Variants in ST3GAL3 observed in about 807,000 individuals in gnomAD.
ST3GAL3 encodes CMP-N-acetylneuraminate-beta-1,4-galactoside alpha-2,3-sialyltransferase.
In ST3GAL3, 21 loss-of-function variants were observed where a neutral mutation model predicts 50.1. The ratio of observed to expected loss-of-function variants is 0.42; its 90% CI spans 0.30 to 0.60. ST3GAL3 has a LOEUF of 0.60. Ranked by LOEUF, ST3GAL3 falls within the 20% of genes least tolerant of loss-of-function variation. The probability of loss-of-function intolerance (pLI) is 0.19; values close to 1 mark genes in which losing one functional copy is unlikely to be tolerated. For synonymous variants in ST3GAL3, 183 were observed against 190.0 expected (o/e 0.96, Z 0.30); for missense variants, 353 against 489.4 (o/e 0.72, Z 2.63).
At chr1:43,708,488 A>G (rs1662738210) in intron 1 of ST3GAL3, among the ~76,000 whole-genome samples, 1 of 152,230 alleles carries the variant, frequency 6.6e-6, no homozygotes, top group African/African-American at 2.4e-5. Context: ...ACATTAAGGT[A>G]GGAAAAAACT....
chr1:43,751,168 G>A (rs998322285), intron 2 of ST3GAL3, among the ~76,000 whole-genome samples: 2 of 152,118 alleles, frequency 1.3e-5, no homozygotes, highest in African/African-American at 2.4e-5. Flanking sequence ...GAAATACAAA[G>A]TATAAAAGAA....
intron 5 of ST3GAL3, among the ~76,000 whole-genome samples, chr1:43,874,654 G>T (rs185121811): frequency 1.3e-5 from 2 of 152,258 alleles, no homozygotes; most frequent in Admixed American, 1.3e-4. Flanking sequence ...AAAAAGATAA[G>T]GTCTAGGGCA....
chr1:43,777,776 G>T (rs928050299), intron 2 of ST3GAL3, among the ~76,000 whole-genome samples: 4 of 152,138 alleles, frequency 2.6e-5, no homozygotes, highest in South Asian at 4.1e-4. Context: ...TTAAACTAAA[G>T]AATTTTTGCA....
chr1:43,850,741 C>A, intron 5 of ST3GAL3: 1 of 766,486 alleles, frequency 1.3e-6, no homozygotes, highest in Non-Finnish European at 2.4e-6. Flanking sequence ...TCAGACAGAG[C>A]TCTGCAGTTG....
chr1:43,827,518 T>G (rs1400484551), intron 4 of ST3GAL3, among the ~76,000 whole-genome samples: 1 of 152,068 alleles, frequency 6.6e-6, no homozygotes, highest in African/African-American at 2.4e-5. Flanking sequence ...TTGGGGGTTT[T>G]GGGGTTTTTT....
At chr1:43,867,176 G>A (rs1274094586) in intron 5 of ST3GAL3, among the ~76,000 whole-genome samples, 2 of 152,158 alleles carry the variant, frequency 1.3e-5, no homozygotes, top group Admixed American at 6.5e-5. Flanking sequence ...TCACTATGAT[G>A]AGAATAGCGC....
intron 9 of ST3GAL3, among the ~76,000 whole-genome samples, chr1:43,909,772 G>C (rs1334253288): frequency 6.6e-6 from 1 of 152,210 alleles, no homozygotes; most frequent in African/African-American, 2.4e-5. Flanking sequence ...GGCAGGCAAA[G>C]GGTTATTATG....
At chr1:43,733,535 A>G (rs564270185) in intron 1 of ST3GAL3, among the ~76,000 whole-genome samples, 3 of 152,322 alleles carry the variant, frequency 2.0e-5, no homozygotes, top group Non-Finnish European at 2.9e-5. Flanking sequence ...TTGAGATAAC[A>G]TATTTCTAGA....
At chr1:43,726,564 G>A (rs1673005975) in intron 1 of ST3GAL3, among the ~76,000 whole-genome samples, 1 of 152,040 alleles carries the variant, frequency 6.6e-6, no homozygotes, top group Non-Finnish European at 1.5e-5. Context: ...TAGTATTACA[G>A]GCATGGGCTA....
At chr1:43,807,016 A>C (rs568873716) in intron 3 of ST3GAL3, among the ~76,000 whole-genome samples, 2 of 152,224 alleles carry the variant, frequency 1.3e-5, no homozygotes, top group African/African-American at 4.8e-5. Flanking sequence ...ATAAAGAGAA[A>C]GATATGTTCA....
intron 2 of ST3GAL3, among the ~76,000 whole-genome samples, chr1:43,791,488 T>C (rs897997329): frequency 2.1e-4 from 32 of 152,244 alleles, no homozygotes; most frequent in Non-Finnish European, 3.4e-4. Flanking sequence ...ATTCATTTCC[T>C]TTTTTCTTTG....
chr1:43,821,886 T>C (rs1036215534), intron 4 of ST3GAL3, among the ~76,000 whole-genome samples: 3 of 152,330 alleles, frequency 2.0e-5, no homozygotes, highest in Non-Finnish European at 2.9e-5. Flanking sequence ...AACAGATTTG[T>C]TGAGCAACTA....
chr1:43,791,417 TTGATTGAATGAA>T (rs1207992768), intron 2 of ST3GAL3, among the ~76,000 whole-genome samples: 2 of 101,070 alleles, frequency 2.0e-5, no homozygotes, highest in African/African-American at 1.1e-4. Flanking sequence ...TATTGGACAT[TTGATTGAATGAA>T]TGAATGAATG....
rs561666047 is a variant in ST3GAL3, at chr1:43,930,225, G to A, written c.*4G>A. ...TGATCTAAGCAGTGGCATCTGAGTGGGCCCAGCACATGGCCATAGAGGCCC... is the reference window on the plus strand; with the variant it reads ...TGATCTAAGCAGTGGCATCTGAGTGAGCCCAGCACATGGCCATAGAGGCCC... On this transcript the variant is annotated 3_prime_UTR_variant, in exon 12 of 12. Transcript: ENST00000347631. 30 of 1,613,044 alleles carry A rather than the reference G, an allele frequency of 1.9e-5. No homozygotes were observed. In the African/African-American group the frequency reaches 3.7e-4, roughly 20 times the overall value.
Position 43,899,481 on chromosome 1 carries a change from T to A in ST3GAL3, c.558-60T>A. The A allele has an allele frequency of 6.2e-7, 1 of 1,604,150 alleles. No individual in the cohort carries two copies. Among genetic ancestry groups the A allele is most frequent in the Non-Finnish European group, 8.5e-7 (1 of 1,177,818 alleles). On this transcript the variant is annotated intron_variant, in intron 8 of 11. Transcript: ENST00000347631. This position sits in a 1 kb window ranked among gnomAD's most constrained non-coding sequence, Gnocchi z 5.4. ...CCTATTCTCCATGCCTGGGATAGTC[T>A]GGGGTCATGGTGCCTTCCCAAACAC...
intron 5 of ST3GAL3, among the ~76,000 whole-genome samples, chr1:43,887,368 G>A (rs1177465251): frequency 2.0e-5 from 3 of 152,332 alleles, no homozygotes; most frequent in South Asian, 2.1e-4. Flanking sequence ...GTGAGATTGA[G>A]GAGATGGATG....
chr1:43,838,499 A>G (rs1258038904), intron 5 of ST3GAL3, 188 bp downstream of exon 5: 4 of 613,778 alleles, frequency 6.5e-6, no homozygotes, highest in Non-Finnish European at 1.2e-5. Context: ...CCTTACTCCC[A>G]TCCTGCCTCT....
At chr1:43,837,657 T>G (rs3011218) in intron 4 of ST3GAL3, among the ~76,000 whole-genome samples, 1 of 152,132 alleles carries the variant, frequency 6.6e-6, no homozygotes, top group Admixed American at 6.5e-5. Flanking sequence ...TTTCCTTGGT[T>G]TCAGGCTTCC....
At chr1:43,746,827 A>G (rs1312936392) in intron 2 of ST3GAL3, among the ~76,000 whole-genome samples, 1 of 148,032 alleles carries the variant, frequency 6.8e-6, no homozygotes, top group African/African-American at 2.5e-5. Flanking sequence ...CAGTGGCGCC[A>G]TCTCGGCTCA....
Sources: allele counts gnomAD v4.1 joint callset (sites outside exome capture counted in the v4.1 genomes callset), GRCh38; gene constraint gnomAD v4.1.1; non-coding constraint Gnocchi (gnomAD v3.1); transcripts MANE v1.5; gene names NCBI Gene and HGNC (gene_info 2026-07-23, HGNC 2026-07-21).